Variants in CSMD3 observed in about 807,000 individuals in gnomAD.
The protein encoded by CSMD3 is CUB and sushi domain-containing protein 3.
A neutral mutation model predicts 435.2 loss-of-function variants in CSMD3; 177 were observed. That is an observed-to-expected ratio of 0.41 (90% CI 0.36 to 0.46). CSMD3 has a LOEUF of 0.46. Ranked by LOEUF, CSMD3 falls within the 20% of genes least tolerant of loss-of-function variation. The pLI is 0.34. For missense variants in CSMD3, 4,265 were observed against 4,504.6 expected, an observed-to-expected ratio of 0.95 and a Z score of 1.52; for synonymous variants, 1,656 against 1,520.5, an observed-to-expected ratio of 1.09 and a Z score of -2.07.
At chr8:113,247,063 T>C (rs2093283456) in intron 3 of CSMD3, among the ~76,000 whole-genome samples, 1 of 152,204 alleles carries the variant, frequency 6.6e-6, no homozygotes, top group Admixed American at 6.5e-5. Flanking sequence ...GTGTGCACTT[T>C]CTTATGTCTG....
chr8:113,289,554 CAG>C (rs66595138), intron 2 of CSMD3, among the ~76,000 whole-genome samples: 19,766 of 143,060 alleles, frequency 0.14, 1,759 homozygotes, highest in Non-Finnish European at 0.21. Flanking sequence ...CAGAGAGAGA[CAG>C]AGAGAGAGAG....
At chr8:112,557,548 G>A (rs1353643204) in intron 24 of CSMD3, among the ~76,000 whole-genome samples, 2 of 152,062 alleles carry the variant, frequency 1.3e-5, no homozygotes, top group Admixed American at 6.6e-5. Context: ...AAGGACTGAA[G>A]GTTGAGTCAA....
At chr8:112,257,050 G>C (rs577014036) in intron 61 of CSMD3, among the ~76,000 whole-genome samples, 1 of 152,080 alleles carries the variant, frequency 6.6e-6, no homozygotes, top group Non-Finnish European at 1.5e-5. Flanking sequence ...GATAAACTTG[G>C]ATTTTTAAAC....
intron 22 of CSMD3, among the ~76,000 whole-genome samples, chr8:112,635,439 T>C (rs534497774): frequency 8.5e-5 from 13 of 152,048 alleles, no homozygotes; most frequent in African/African-American, 2.9e-4. Context: ...AAATGAAAAT[T>C]GGCATAATGA....
Position 112,223,212 on chromosome 8 carries a change from A to T in CSMD3, c.*1559T>A. 1 of 392,340 alleles carries T rather than the reference A, an allele frequency of 2.5e-6. No individual in the cohort carries two copies. The allele number at this position is 392,340 out of a possible 1,614,324, so 24.3% of individuals were successfully genotyped here. A position where few individuals can be genotyped will look rare whatever the true frequency, so the allele number is the denominator to read the frequency against. On this transcript the variant is annotated 3_prime_UTR_variant, in exon 71 of 71. Coordinates refer to ENST00000297405, the MANE Select transcript of CSMD3 (RefSeq NM_198123.2). Reference sequence around the variant, plus strand: ...AACTGCATCCTGCCAGTAGAGTACCATGTTGAGAAAATTGTATGAATTTCC... The same window carrying T: ...AACTGCATCCTGCCAGTAGAGTACCTTGTTGAGAAAATTGTATGAATTTCC...
At chr8:113,304,690 C>T (rs1008812739) in intron 2 of CSMD3, among the ~76,000 whole-genome samples, 1 of 133,868 alleles carries the variant, frequency 7.5e-6, no homozygotes, top group Non-Finnish European at 1.6e-5. Context: ...CGCATATTCT[C>T]ACTCATAGGT....
chr8:113,079,550 T>G (rs559637680), intron 5 of CSMD3, among the ~76,000 whole-genome samples: 1 of 152,192 alleles, frequency 6.6e-6, no homozygotes, highest in African/African-American at 2.4e-5. Flanking sequence ...GTTTCAGGGA[T>G]TTGGTGACCT....
chr8:112,964,082 T>C (rs952477799), intron 7 of CSMD3, among the ~76,000 whole-genome samples: 4 of 151,908 alleles, frequency 2.6e-5, no homozygotes, highest in African/African-American at 7.2e-5. Flanking sequence ...TACTATCTCA[T>C]TGAAATCACA....
intron 1 of CSMD3, among the ~76,000 whole-genome samples, chr8:113,370,081 T>A (rs2094337618): frequency 6.6e-6 from 1 of 151,870 alleles, no homozygotes; most frequent in South Asian, 2.1e-4. Context: ...AACTGCTAAC[T>A]ATATGAGGTA....
chr8:112,806,013 T>C (rs2079076932), intron 12 of CSMD3, among the ~76,000 whole-genome samples: 1 of 152,100 alleles, frequency 6.6e-6, no homozygotes, highest in Non-Finnish European at 1.5e-5. Context: ...ATTGCAAAAT[T>C]GCCAAACTGA....
intron 13 of CSMD3, among the ~76,000 whole-genome samples, chr8:112,742,792 T>G (rs1394197636): frequency 6.6e-6 from 1 of 151,906 alleles, no homozygotes; most frequent in Non-Finnish European, 1.5e-5. Context: ...GAGAACTGAT[T>G]CTACTGCAAG....
At chr8:113,212,542 A>G (rs1395546489) in intron 3 of CSMD3, among the ~76,000 whole-genome samples, 3 of 152,148 alleles carry the variant, frequency 2.0e-5, no homozygotes, top group African/African-American at 7.2e-5. Context: ...TATACACCAT[A>G]GAATACTATG....
At chr8:112,471,792 T>C (rs1818552353) in intron 32 of CSMD3, among the ~76,000 whole-genome samples, 1 of 152,162 alleles carries the variant, frequency 6.6e-6, no homozygotes, top group African/African-American at 2.4e-5. Flanking sequence ...TCCTCATAGT[T>C]ATAACAAATC....
intron 2 of CSMD3, among the ~76,000 whole-genome samples, chr8:113,281,994 A>C (rs943788920): frequency 9.2e-5 from 14 of 152,004 alleles, no homozygotes; most frequent in African/African-American, 3.4e-4. Flanking sequence ...GAGGAGGCTG[A>C]AGATAGGCAC....
intron 13 of CSMD3, among the ~76,000 whole-genome samples, chr8:112,775,289 A>G (rs1386399690): frequency 6.6e-6 from 1 of 151,888 alleles, no homozygotes; most frequent in East Asian, 1.9e-4. Context: ...TTGTCTAACA[A>G]GGCAGAAACT....
At chr8:113,326,771 C>T (rs1163655950) in intron 1 of CSMD3, among the ~76,000 whole-genome samples, 1 of 152,030 alleles carries the variant, frequency 6.6e-6, no homozygotes, top group Admixed American at 6.5e-5. Flanking sequence ...AAAATTAATT[C>T]TATACAGTTC....
Position 112,903,316 on chromosome 8 carries a change from C to A in CSMD3, c.1633+18311G>T, listed in dbSNP as rs73346029. ...TTGAGATTCCTGAGACCCTTTATAG[C>A]AGCTAACATGGGCTAAAGTAAAGGA... On this transcript the variant is annotated intron_variant, in intron 10 of 70. Coordinates refer to ENST00000297405, the MANE Select transcript of CSMD3 (RefSeq NM_198123.2). Among the ~76,000 whole-genome samples, 1,154 of 151,244 alleles carry A rather than the reference C, an allele frequency of 7.6e-3. 23 individuals carry two copies. The highest frequency in any genetic ancestry group is 0.026 in the African/African-American group (1,093 of 41,344).
chr8:112,854,556 C>T (rs770502858), intron 11 of CSMD3, among the ~76,000 whole-genome samples: 2 of 152,074 alleles, frequency 1.3e-5, no homozygotes, highest in African/African-American at 4.8e-5. Context: ...TAGCACTGGG[C>T]AGGTATGGCT....
chr8:113,424,611 A>C (rs1000587819), intron 1 of CSMD3, among the ~76,000 whole-genome samples: 1 of 151,512 alleles, frequency 6.6e-6, no homozygotes, highest in Non-Finnish European at 1.5e-5. Flanking sequence ...GTAAGAGCAC[A>C]GTTTGGTGAT....
Sources: gnomAD v4.1 joint callset for allele counts (sites outside exome capture counted in the v4.1 genomes callset) on GRCh38, gnomAD v4.1.1 for gene constraint, MANE v1.5 for transcripts, NCBI Gene and HGNC (gene_info 2026-07-23, HGNC 2026-07-21) for gene names.